Variants in MTR observed in about 807,000 individuals in gnomAD.
MTR encodes 5-methyltetrahydrofolate-homocysteine methyltransferase.
Under a neutral mutation model 154.8 loss-of-function variants are expected in MTR, and 84 were observed. The ratio of observed to expected loss-of-function variants is 0.54; its 90% CI spans 0.45 to 0.65. MTR has a LOEUF of 0.65. Among genes scored for constraint, MTR ranks in the 30% least tolerant of loss-of-function variants. MTR has a pLI of 0.00. For synonymous variants in MTR, 554 were observed against 553.9 expected (o/e 1.00, Z 0.00); for missense variants, 1,275 against 1,570.2 (o/e 0.81, Z 3.18).
chr1:236,897,178 T>G, intron 32 of MTR, 60 bp downstream of exon 32: 1 of 1,253,856 alleles, frequency 8.0e-7, no homozygotes, highest in Non-Finnish European at 1.2e-6. Flanking sequence ...CTAGAACCTC[T>G]CTCATTTTAA....
chr1:236,821,706 A>T (rs1421001455), intron 8 of MTR, among the ~76,000 whole-genome samples: 2 of 152,138 alleles, frequency 1.3e-5, no homozygotes, highest in Non-Finnish European at 2.9e-5. Context: ...ATTTATATAT[A>T]GGTCTGTGTT....
At chr1:236,830,421 A>G (rs1415630223) in intron 12 of MTR, among the ~76,000 whole-genome samples, 3 of 152,240 alleles carry the variant, frequency 2.0e-5, no homozygotes, top group Non-Finnish European at 4.4e-5. Context: ...GATTAAAAAA[A>G]ATAATTTATA....
chr1:236,882,066 C>T (rs1322088805), intron 25 of MTR, among the ~76,000 whole-genome samples: 1 of 152,204 alleles, frequency 6.6e-6, no homozygotes, highest in Non-Finnish European at 1.5e-5. Flanking sequence ...AGTCTGGGAT[C>T]ATAAAATTGC....
chr1:236,815,268 C>T (rs1661521471), intron 6 of MTR, among the ~76,000 whole-genome samples: 1 of 152,164 alleles, frequency 6.6e-6, no homozygotes, highest in South Asian at 2.1e-4. Context: ...TAGGCTCAGG[C>T]AGTCGTCCTG....
chr1:236,795,806 T>A (rs1660344951), intron 1 of MTR, 69 bp downstream of exon 1: 3 of 1,609,678 alleles, frequency 1.9e-6, no homozygotes, highest in African/African-American at 1.3e-5. Flanking sequence ...TCCTAATCCC[T>A]GGGGCGATTC....
chr1:236,808,411 A>AATTATTTTAATTTATTTTAATTAATT (rs1338129971), intron 3 of MTR, among the ~76,000 whole-genome samples: 21 of 152,240 alleles, frequency 1.4e-4, no homozygotes, highest in African/African-American at 4.6e-4. Flanking sequence ...AGAATATTTA[A>AATTATTTTAATTTATTTTAATTAATT]CTACGTAAGT....
Position 236,861,198 on chromosome 1 carries a change from A to G in MTR, c.2117A>G (p.Asn706Ser), listed in dbSNP as rs147670189. Residue 706 changes from asparagine to serine, a missense_variant, in exon 20 of 33, where the codon AAT becomes AGT. Physicochemically the swap from Asn to Ser is conservative, Grantham distance 46 (BLOSUM62 1). Transcript: ENST00000366577. ...CAAAAAAAATATCCCCGACCTCTCA[A>G]TATAATTGAAGGACCCCTGATGAAT... is the stretch of plus-strand genomic sequence containing the variant. ...LNQKKYPRPL[N>S]IIEGPLMNGM... 1.8e-5 allele frequency: 29 copies of G among 1,613,540 alleles called. No individual in the cohort carries two copies. In the Middle Eastern group the frequency reaches 5.0e-4, roughly 28 times the overall value.
chr1:236,833,367 C>G (rs1467474823), intron 13 of MTR, among the ~76,000 whole-genome samples: 1 of 152,212 alleles, frequency 6.6e-6, no homozygotes, highest in Non-Finnish European at 1.5e-5. Flanking sequence ...TAAGGTCTTT[C>G]TATATGCCAG....
chr1:236,852,614 G>T lies in MTR; in HGVS notation c.1789G>T (p.Val597Phe). The T allele has an allele frequency of 6.2e-7, 1 of 1,613,762 alleles. No homozygotes were observed. The highest frequency in any genetic ancestry group is 2.2e-5 in the East Asian group (1 of 44,880). Residue 597 changes from valine (V) to phenylalanine (F), a missense_variant, in exon 17 of 33, where the codon GTT (valine) becomes TTT (phenylalanine). Coordinates refer to ENST00000366577, the MANE Select transcript of MTR (RefSeq NM_000254.3). ...MEAIREAMHG[V>F]FLYHAIKSGM... is the part of the protein sequence containing the mutation. ...AGCCATTCGAGAAGCAATGCATGGG[G>T]TTTTCCTTTACCATGCAATCAAGGT...
chr1:236,870,549 G>A (rs186474252), intron 22 of MTR, among the ~76,000 whole-genome samples: 26 of 152,256 alleles, frequency 1.7e-4, no homozygotes, highest in Admixed American at 5.9e-4. Flanking sequence ...CTCAGATAGG[G>A]CTGGTGCTGC....
chr1:236,867,455 T>A (rs1205886629), intron 22 of MTR, among the ~76,000 whole-genome samples: 1 of 152,158 alleles, frequency 6.6e-6, no homozygotes, highest in Non-Finnish European at 1.5e-5. Flanking sequence ...AGAATTCTGA[T>A]AGAGATATAC....
chr1:236,879,021 A>T (rs1665583135), intron 24 of MTR, among the ~76,000 whole-genome samples: 1 of 152,236 alleles, frequency 6.6e-6, no homozygotes, highest in South Asian at 2.1e-4. Context: ...GGAACAGGTG[A>T]AGTGTTACTG....
At chr1:236,835,795 GT>G in intron 14 of MTR, 108 bp downstream of exon 14, 1 of 1,446,484 alleles carries the variant, frequency 6.9e-7, no homozygotes, top group Non-Finnish European at 9.7e-7. Flanking sequence ...CTGGTTTTCT[GT>G]TTCTCAACAT....
chr1:236,848,507 G>T (rs1379374606), intron 15 of MTR, among the ~76,000 whole-genome samples: 2 of 152,202 alleles, frequency 1.3e-5, no homozygotes, highest in African/African-American at 4.8e-5. Context: ...CCTAAAGGCA[G>T]CTGCAAATGG....
chr1:236,869,387 A>C (rs935455607), intron 22 of MTR, among the ~76,000 whole-genome samples: 1 of 152,114 alleles, frequency 6.6e-6, no homozygotes. Context: ...TGTAGAGACA[A>C]AGTCTCGCTA....
intron 15 of MTR, 152 bp downstream of exon 15, chr1:236,838,751 T>TAC: frequency 1.2e-6 from 1 of 811,700 alleles, no homozygotes; most frequent in Non-Finnish European, 2.0e-6. Context: ...CACGTATCTG[T>TAC]ATACAGTCAT....
intron 8 of MTR, 137 bp from the exon 9 acceptor site, chr1:236,823,982 G>A (rs1662134509): frequency 1.4e-6 from 1 of 736,850 alleles, no homozygotes; most frequent in Non-Finnish European, 2.4e-6. Flanking sequence ...TGGCTTTGAT[G>A]GTAGTTGAAT....
rs1666889834 is a variant in MTR at position 236,900,927 on chromosome 1, G to C, written c.*3283G>C. On this transcript the variant is annotated 3_prime_UTR_variant, in exon 33 of 33. Transcript: ENST00000366577. ...ATTCGATGTGACTAGACTGAATATA[G>C]GCAGTTGGATACTAGACTTTGGAAT... The C allele has an allele frequency of 6.5e-6, 1 of 152,694 alleles. No homozygotes were observed. The highest frequency in any genetic ancestry group is 1.5e-5 in the Non-Finnish European group (1 of 68,072). The allele number at this position is 152,694 out of a possible 1,614,324, so 9.5% of individuals were successfully genotyped here. A position where few individuals can be genotyped will look rare whatever the true frequency, so the allele number is the denominator to read the frequency against.
At chr1:236,829,329 T>A in intron 12 of MTR, 61 bp downstream of exon 12, 2 of 1,348,672 alleles carry the variant, frequency 1.5e-6, no homozygotes, top group Non-Finnish European at 2.1e-6. Flanking sequence ...GTGAGTATTC[T>A]AAGTGGTAGT....
Sources: allele counts gnomAD v4.1 joint callset (sites outside exome capture counted in the v4.1 genomes callset), GRCh38; gene constraint gnomAD v4.1.1; transcripts MANE v1.5; gene names NCBI Gene and HGNC (gene_info 2026-07-23, HGNC 2026-07-21).